Variants in DLGAP2 observed in about 807,000 individuals in gnomAD.
DLGAP2 encodes the protein disks large-associated protein 2.
Under a neutral mutation model 100.3 loss-of-function variants are expected in DLGAP2, and 26 were observed. That is an observed-to-expected ratio of 0.26 (90% CI 0.19 to 0.36). The LOEUF is 0.36. Ranked by LOEUF, DLGAP2 falls within the 10% of genes least tolerant of loss-of-function variation. The pLI, the probability that DLGAP2 is intolerant of heterozygous loss-of-function variation, is 1.00. For synonymous variants in DLGAP2, 886 were observed against 630.1 expected, an observed-to-expected ratio of 1.41 and a Z score of -6.08; for missense variants, 1,858 against 1,453.2, an observed-to-expected ratio of 1.28 and a Z score of -4.53.
chr8:1,570,473 A>T (rs146248041), intron 6 of DLGAP2, among the ~76,000 whole-genome samples: 1 of 152,212 alleles, frequency 6.6e-6, no homozygotes, highest in African/African-American at 2.4e-5. Flanking sequence ...TCCTAATCCA[A>T]TTCCTCATTT....
chr8:1,148,532 G>A (rs1036443440), intron 2 of DLGAP2, among the ~76,000 whole-genome samples: 1 of 149,876 alleles, frequency 6.7e-6, no homozygotes, highest in Non-Finnish European at 1.5e-5. Flanking sequence ...TTGATGTTTA[G>A]ACTTTTATCT....
chr8:984,379 C>G (rs1385445624), intron 2 of DLGAP2, among the ~76,000 whole-genome samples: 2 of 152,200 alleles, frequency 1.3e-5, no homozygotes, highest in African/African-American at 2.4e-5. Context: ...TCACTAAAAG[C>G]TTTTAATTGT....
chr8:1,507,956 A>G (rs1402391063), intron 4 of DLGAP2, among the ~76,000 whole-genome samples: 1 of 150,566 alleles, frequency 6.6e-6, no homozygotes, highest in African/African-American at 2.5e-5. Context: ...CCACTGTGAC[A>G]TCAAACACGT....
At chr8:1,674,621 C>T (rs1272550082) in intron 10 of DLGAP2, among the ~76,000 whole-genome samples, 1 of 152,196 alleles carries the variant, frequency 6.6e-6, no homozygotes, top group Non-Finnish European at 1.5e-5. Context: ...ATTTATTTCA[C>T]TCATATCAGA....
intron 2 of DLGAP2, among the ~76,000 whole-genome samples, chr8:938,771 G>A (rs1052362965): frequency 5.9e-5 from 9 of 152,196 alleles, no homozygotes; most frequent in Non-Finnish European, 1.5e-5. Context: ...AGCCCTGTGT[G>A]TCTCAGCACA....
chr8:1,346,033 A>G (rs1393933882), intron 3 of DLGAP2, among the ~76,000 whole-genome samples: 2 of 152,326 alleles, frequency 1.3e-5, no homozygotes, highest in African/African-American at 2.4e-5. Flanking sequence ...GACAGGCTCA[A>G]TGCCCACGCC....
At chr8:1,630,668 C>G (rs1189021838) in intron 7 of DLGAP2, among the ~76,000 whole-genome samples, 4 of 151,538 alleles carry the variant, frequency 2.6e-5, no homozygotes, top group African/African-American at 9.7e-5. Flanking sequence ...CGCCACTGCA[C>G]TCCAGCCTGG....
At chr8:1,415,644 A>C (rs1028411808) in intron 3 of DLGAP2, among the ~76,000 whole-genome samples, 1 of 152,166 alleles carries the variant, frequency 6.6e-6, no homozygotes, top group Non-Finnish European at 1.5e-5. Context: ...ACGTGATTCC[A>C]TTCTCTCTTA....
intron 3 of DLGAP2, among the ~76,000 whole-genome samples, chr8:1,338,033 T>C (rs1011082333): frequency 6.6e-6 from 1 of 152,166 alleles, no homozygotes; most frequent in East Asian, 1.9e-4. Context: ...GAATGGACAA[T>C]GACAAGTATT....
chr8:831,764 A>G (rs1007342168), intron 1 of DLGAP2, among the ~76,000 whole-genome samples: 4 of 152,162 alleles, frequency 2.6e-5, no homozygotes, highest in Non-Finnish European at 5.9e-5. Flanking sequence ...TGGTATTTCT[A>G]GTTCTAGATC....
chr8:1,577,457 A>C (rs1160971533), intron 6 of DLGAP2, among the ~76,000 whole-genome samples: 4 of 151,068 alleles, frequency 2.6e-5, no homozygotes, highest in Non-Finnish European at 5.9e-5. Context: ...AATCCCAGCT[A>C]CTCGAGAGGC....
At chr8:1,007,567 A>G (rs898906668) in intron 2 of DLGAP2, among the ~76,000 whole-genome samples, 1 of 148,742 alleles carries the variant, frequency 6.7e-6, no homozygotes, top group Non-Finnish European at 1.5e-5. Flanking sequence ...ATAGTCTGGC[A>G]TGCTCCCTTT....
At position 859,354 on chromosome 8, in the gene DLGAP2, C is replaced by T. The variant is rs113176628; in HGVS notation, c.19-48558C>T. Reference sequence around the variant, plus strand: ...CTGAAACTCCTGACCGCAGCTGATCCATCTGCCTTGGCCTCCCAAAGGGCT... The same window carrying T: ...CTGAAACTCCTGACCGCAGCTGATCTATCTGCCTTGGCCTCCCAAAGGGCT... On this transcript the variant is annotated intron_variant, in intron 1 of 14. Transcript: ENST00000637795. 8.5e-4 allele frequency among the ~76,000 whole-genome samples: 129 copies of T among 152,324 alleles called. 1 individual carries two copies. Among genetic ancestry groups the T allele is most frequent in the African/African-American group, 2.9e-3 (121 of 41,570 alleles).
chr8:1,444,103 G>T (rs185691280), intron 3 of DLGAP2, among the ~76,000 whole-genome samples: 1 of 152,096 alleles, frequency 6.6e-6, no homozygotes, highest in East Asian at 2.0e-4. Context: ...TTAAGCTCCA[G>T]TGCTTTTTGT....
intron 3 of DLGAP2, among the ~76,000 whole-genome samples, chr8:1,312,137 A>G (rs760951873): frequency 9.2e-5 from 14 of 152,378 alleles, no homozygotes; most frequent in Admixed American, 8.5e-4. Context: ...ATTCGCCAAG[A>G]TAGGCCACAT....
intron 2 of DLGAP2, among the ~76,000 whole-genome samples, chr8:1,050,205 A>C (rs1313664528): frequency 6.6e-6 from 1 of 152,224 alleles, no homozygotes; most frequent in Non-Finnish European, 1.5e-5. Context: ...ATTCATTATA[A>C]ATTGTAAATA....
intron 3 of DLGAP2, among the ~76,000 whole-genome samples, chr8:1,495,859 T>A (rs981092246): frequency 3.3e-5 from 5 of 152,112 alleles, no homozygotes; most frequent in Non-Finnish European, 5.9e-5. Flanking sequence ...ATAGCGCGTG[T>A]CCATCTGCAA....
intron 2 of DLGAP2, among the ~76,000 whole-genome samples, chr8:1,139,945 G>A (rs753299939): frequency 2.0e-5 from 3 of 152,174 alleles, no homozygotes; most frequent in Non-Finnish European, 4.4e-5. Context: ...TTGGCAGAGC[G>A]AGGCTTGAAC....
intron 1 of DLGAP2, among the ~76,000 whole-genome samples, chr8:861,810 G>T: frequency 6.6e-6 from 1 of 152,252 alleles, no homozygotes; most frequent in East Asian, 1.9e-4. Flanking sequence ...CGGTGGAAAT[G>T]TGTTTGCTGG....
Sources: gnomAD v4.1 joint callset for allele counts (sites outside exome capture counted in the v4.1 genomes callset) on GRCh38, gnomAD v4.1.1 for gene constraint, MANE v1.5 for transcripts, NCBI Gene and HGNC (gene_info 2026-07-23, HGNC 2026-07-21) for gene names.